VSNL1: variants seen among roughly 807,000 people sequenced by gnomAD.
VSNL1 encodes the protein visinin like 1.
VSNL1 carries 6 observed loss-of-function variants against 20.4 expected under a neutral mutation model. That is an observed-to-expected ratio of 0.29 (90% CI 0.16 to 0.58). VSNL1 has a LOEUF of 0.58. Ranked by LOEUF, VSNL1 falls within the 20% of genes least tolerant of loss-of-function variation. VSNL1 has a pLI of 0.90. For missense variants in VSNL1, 100 were observed against 234.5 expected (o/e 0.43, Z 3.75); for synonymous variants, 93 against 86.4 (o/e 1.08, Z -0.42).
chr2:17,579,296 T>C (rs1664293935), intron 1 of VSNL1, among the ~76,000 whole-genome samples: 2 of 152,060 alleles, frequency 1.3e-5, no homozygotes, highest in African/African-American at 4.8e-5. Flanking sequence ...TTTGTGTTTT[T>C]AGTAGGGACG....
intron 1 of VSNL1, among the ~76,000 whole-genome samples, chr2:17,575,819 G>C (rs376187819): frequency 6.6e-6 from 1 of 152,140 alleles, no homozygotes; most frequent in Non-Finnish European, 1.5e-5. Context: ...ATAGGCATGA[G>C]CCACTGCGCC....
In VSNL1 at chr2:17,621,246, TTTC is replaced by T. The variant is rs529815260; in HGVS notation, c.163-28161_163-28159del. The stretch of plus-strand genomic sequence containing the variant: ...CTCTCTCTTTCTTTCTTTCCTTCTT[TTTC>T]TTTCTTTCTTTTCTTTCTTTCTTCC... On this transcript the variant is annotated intron_variant, in intron 2 of 3. Transcript: ENST00000295156. 6.6e-3 allele frequency among the ~76,000 whole-genome samples: 1,003 copies of T among 151,734 alleles called. 7 individuals carry two copies. The highest frequency in any genetic ancestry group is 9.6e-3 in the Non-Finnish European group (651 of 67,900).
chr2:17,595,662 T>C (rs1160676846), intron 2 of VSNL1, among the ~76,000 whole-genome samples: 1 of 152,136 alleles, frequency 6.6e-6, no homozygotes, highest in Non-Finnish European at 1.5e-5. Flanking sequence ...AGACAGATCC[T>C]TTACAGAGGT....
chr2:17,603,204 C>T (rs1664870940), intron 2 of VSNL1, among the ~76,000 whole-genome samples: 2 of 152,172 alleles, frequency 1.3e-5, no homozygotes, highest in Admixed American at 1.3e-4. Context: ...TAACAAAACA[C>T]CATAAACCAA....
rs1264131391 is a variant in VSNL1 at position 17,656,410 on chromosome 2, T to C, written c.*1016T>C. 2 of 152,176 alleles carry C rather than the reference T, an allele frequency of 1.3e-5. No individual in the cohort carries two copies. Among genetic ancestry groups the C allele is most frequent in the African/African-American group, 4.8e-5 (2 of 41,438 alleles). 9.4% of individuals were successfully genotyped at this position (152,176 alleles called of 1,614,324 possible). On this transcript the variant is annotated 3_prime_UTR_variant, in exon 4 of 4. Transcript: ENST00000295156. ...TTCATTCCGAAAAAAAAATGTTCAT[T>C]CTATGACAATAAATTTTATCTCAGT...
intron 2 of VSNL1, among the ~76,000 whole-genome samples, chr2:17,622,533 AAAG>A (rs1256456340): frequency 5.9e-5 from 1 of 17,030 alleles, no homozygotes; most frequent in Non-Finnish European, 9.0e-5. Flanking sequence ...GAAAGAAAGA[AAAG>A]AAAGAAAGAA....
At chr2:17,604,082 G>C (rs1247412709) in intron 2 of VSNL1, among the ~76,000 whole-genome samples, 1 of 152,238 alleles carries the variant, frequency 6.6e-6, no homozygotes, top group Non-Finnish European at 1.5e-5. Flanking sequence ...CAAGAGCTAA[G>C]TGTGGGTGTA....
At chr2:17,597,144 A>C (rs1222631394) in intron 2 of VSNL1, among the ~76,000 whole-genome samples, 1 of 152,194 alleles carries the variant, frequency 6.6e-6, no homozygotes, top group Non-Finnish European at 1.5e-5. Flanking sequence ...GGCAGTGGTC[A>C]TGGCAGGACA....
intron 2 of VSNL1, among the ~76,000 whole-genome samples, chr2:17,599,548 T>G (rs183436653): frequency 6.6e-6 from 1 of 152,322 alleles, no homozygotes; most frequent in African/African-American, 2.4e-5. Flanking sequence ...AGAAAAAGCT[T>G]GAATACTTCT....
At chr2:17,593,513 G>A (rs551582198) in intron 2 of VSNL1, among the ~76,000 whole-genome samples, 5 of 152,138 alleles carry the variant, frequency 3.3e-5, no homozygotes, top group Non-Finnish European at 7.4e-5. Flanking sequence ...AGATTCAAAC[G>A]AAAAGTTACT....
intron 2 of VSNL1, among the ~76,000 whole-genome samples, chr2:17,628,837 C>T (rs943321004): frequency 2.6e-5 from 4 of 152,222 alleles, no homozygotes; most frequent in African/African-American, 4.8e-5. Flanking sequence ...TCCAAGGAGG[C>T]TCTGCTCTCT....
intron 1 of VSNL1, among the ~76,000 whole-genome samples, chr2:17,581,099 T>C (rs1164715314): frequency 6.6e-6 from 1 of 152,240 alleles, no homozygotes; most frequent in Non-Finnish European, 1.5e-5. Context: ...CTTAACAATT[T>C]ATTACAATAT....
intron 1 of VSNL1, among the ~76,000 whole-genome samples, chr2:17,585,808 C>CTTTT (rs55893675): frequency 7.0e-6 from 1 of 143,254 alleles, no homozygotes. Flanking sequence ...TTCTTTTTTT[C>CTTTT]TTTTTTTTTT....
chr2:17,565,622 C>T (rs1440639370), intron 1 of VSNL1, among the ~76,000 whole-genome samples: 1 of 151,992 alleles, frequency 6.6e-6, no homozygotes, highest in Non-Finnish European at 1.5e-5. Context: ...TAGTTAGTGC[C>T]TAATACAACA....
intron 1 of VSNL1, among the ~76,000 whole-genome samples, chr2:17,566,493 T>C (rs1663946788): frequency 6.6e-6 from 1 of 152,184 alleles, no homozygotes; most frequent in Admixed American, 6.5e-5. Flanking sequence ...TAATCTTTAG[T>C]GGCCATTTAG....
intron 1 of VSNL1, among the ~76,000 whole-genome samples, chr2:17,588,042 G>A: frequency 6.6e-6 from 1 of 152,082 alleles, no homozygotes; most frequent in East Asian, 1.9e-4. Context: ...GTCCTGTTTT[G>A]TGCCTAGCAC....
chr2:17,597,429 T>C (rs138393366), intron 2 of VSNL1, among the ~76,000 whole-genome samples: 268 of 152,350 alleles, frequency 1.8e-3, no homozygotes, highest in African/African-American at 5.9e-3. Context: ...GGTTGTTCTA[T>C]TGGGCTCTGG....
chr2:17,643,177 T>A (rs1197823164), intron 2 of VSNL1, among the ~76,000 whole-genome samples: 1 of 152,206 alleles, frequency 6.6e-6, no homozygotes, highest in African/African-American at 2.4e-5. Context: ...CCTCCTGCCC[T>A]CACAAAGCTC....
intron 2 of VSNL1, among the ~76,000 whole-genome samples, chr2:17,602,070 A>G (rs1268467024): frequency 6.6e-6 from 1 of 152,236 alleles, no homozygotes; most frequent in Non-Finnish European, 1.5e-5. Context: ...ACATTTTGAA[A>G]TGGTGATCTG....
Sources: allele counts gnomAD v4.1 joint callset (sites outside exome capture counted in the v4.1 genomes callset), GRCh38; gene constraint gnomAD v4.1.1; transcripts MANE v1.5; gene names NCBI Gene and HGNC (gene_info 2026-07-23, HGNC 2026-07-21).